The following CEP57 variants were observed in gnomAD, a reference collection of about 807,000 sequenced individuals.
CEP57 encodes centrosomal protein of 57 kDa.
In CEP57, 40 loss-of-function variants were observed where a neutral mutation model predicts 68.0. The observed-to-expected ratio is 0.59, with a 90% CI of 0.46 to 0.77. The LOEUF (loss-of-function observed/expected upper bound fraction) is 0.77, where lower values mean the gene tolerates loss of function less well. Ranked by LOEUF, CEP57 falls within the 30% of genes least tolerant of loss-of-function variation. The probability of loss-of-function intolerance (pLI) is 0.00; values close to 1 mark genes in which losing one functional copy is unlikely to be tolerated. For missense variants in CEP57, 606 were observed against 580.7 expected (o/e 1.04, Z -0.45); for synonymous variants, 219 against 198.7 (o/e 1.10, Z -0.86).
rs1399711421 is a variant in CEP57, at chr11:95,827,915, C to T, written c.1015C>T (p.Arg339Ter). 1 of 1,613,984 alleles carries T rather than the reference C, an allele frequency of 6.2e-7. No individual in the cohort carries two copies. The highest frequency in any genetic ancestry group is 1.3e-5 in the African/African-American group (1 of 74,902). Residue 339 changes from arginine (R) to a stop codon, truncating the protein, a stop_gained, in exon 9 of 11, where the codon CGA becomes TGA. Transcript: ENST00000325542. LOFTEE classifies it high-confidence loss of function. Reference protein sequence around the residue: ...SIPLAKQVSSRGGKSKKLSVT... With the variant: ...SIPLAKQVSS The stretch of plus-strand genomic sequence containing the variant: ...TCCTTTGGCAAAGCAAGTATCTTCA[C>T]GAGGTGGTAAAAGTAAGAAGTTGTC...
chr11:95,797,399 C>T (rs1289808735), intron 1 of CEP57, among the ~76,000 whole-genome samples: 11 of 152,076 alleles, frequency 7.2e-5, no homozygotes, highest in African/African-American at 2.7e-4. Context: ...AACTCCTGAC[C>T]TCAAGTGATC....
At chr11:95,790,978 C>G (rs1393593747) in intron 1 of CEP57, among the ~76,000 whole-genome samples, 1 of 152,214 alleles carries the variant, frequency 6.6e-6, no homozygotes, top group Non-Finnish European at 1.5e-5. Flanking sequence ...CCTTATTCAC[C>G]TTTTGGCGTA....
intron 2 of CEP57, among the ~76,000 whole-genome samples, chr11:95,810,722 T>C (rs903615235): frequency 1.3e-5 from 2 of 152,098 alleles, no homozygotes; most frequent in African/African-American, 2.4e-5. Flanking sequence ...GGAAGAACAT[T>C]CCATACTCAT....
At chr11:95,818,019 TA>T (rs1862372482) in intron 5 of CEP57, 116 bp downstream of exon 5, 1 of 712,024 alleles carries the variant, frequency 1.4e-6, no homozygotes, top group Admixed American at 2.2e-5. Flanking sequence ...AATGAAGAAA[TA>T]TATTGGAGTT....
intron 4 of CEP57, among the ~76,000 whole-genome samples, chr11:95,815,429 A>AT (rs1158444099): frequency 1.3e-5 from 2 of 151,134 alleles, no homozygotes; most frequent in Non-Finnish European, 3.0e-5. Flanking sequence ...ACAATTCTCA[A>AT]TTTTTTTTAA....
chr11:95,791,657 A>G (rs1375542431), intron 1 of CEP57, among the ~76,000 whole-genome samples: 1 of 152,252 alleles, frequency 6.6e-6, no homozygotes. Flanking sequence ...CCGTAGTAGA[A>G]TAATCTAGAG....
At chr11:95,821,348 G>A (rs370587235) in intron 6 of CEP57, among the ~76,000 whole-genome samples, 6 of 152,272 alleles carry the variant, frequency 3.9e-5, no homozygotes, top group African/African-American at 1.4e-4. Context: ...TCAGCTTCTA[G>A]AGAAAAGGGC....
intron 1 of CEP57, among the ~76,000 whole-genome samples, chr11:95,797,419 C>T (rs1426646711): frequency 5.3e-5 from 8 of 152,014 alleles, no homozygotes; most frequent in African/African-American, 9.7e-5. Flanking sequence ...CCGCCCAGCT[C>T]GGCCTCCCAA....
At chr11:95,814,641 T>TGAGC (rs914088867) in intron 4 of CEP57, among the ~76,000 whole-genome samples, 53 of 152,356 alleles carry the variant, frequency 3.5e-4, no homozygotes, top group African/African-American at 1.3e-3. Flanking sequence ...ATTACAGGCA[T>TGAGC]GAGCCACCAC....
Position 95,831,414 on chromosome 11 carries a change from A to G in CEP57, c.*158A>G. The G allele has an allele frequency of 1.6e-6, 1 of 606,088 alleles. No homozygotes were observed. The highest frequency in any genetic ancestry group is 3.0e-6 in the Non-Finnish European group (1 of 338,412). The allele number at this position is 606,088 out of a possible 1,614,324, so 37.5% of individuals were successfully genotyped here. A position where few individuals can be genotyped will look rare whatever the true frequency, so the allele number is the denominator to read the frequency against. On this transcript the variant is annotated 3_prime_UTR_variant, in exon 11 of 11. Coordinates refer to ENST00000325542, the MANE Select transcript of CEP57 (RefSeq NM_014679.5). ...CATTACACAGGCTTTTCATGTATGC[A>G]GGATGACTCAATGTTAAAGCATTTA...
intron 3 of CEP57, 33 bp from the exon 4 acceptor site, chr11:95,813,435 T>A (rs369948382): frequency 1.2e-4 from 194 of 1,605,440 alleles, no homozygotes; most frequent in Non-Finnish European, 1.6e-4. Context: ...TATGGGTGAG[T>A]TGATTTCTGC....
intron 10 of CEP57, among the ~76,000 whole-genome samples, chr11:95,829,837 T>C (rs1353564849): frequency 6.6e-6 from 1 of 152,066 alleles, no homozygotes; most frequent in African/African-American, 2.4e-5. Flanking sequence ...GGTAGGGTAA[T>C]GGGATCAAGG....
rs1286539936 is a variant in CEP57, at chr11:95,799,379, A to C, written c.193A>C (p.Asn65His). 7 of 1,613,904 alleles carry C rather than the reference A, an allele frequency of 4.3e-6. No individual in the cohort carries two copies. In the Admixed American group the frequency reaches 1.2e-4, roughly 27 times the overall value. ...SKPTLAYPES[N>H]SRAIFSALKN... ...GCCTACACTTGCCTATCCAGAAAGC[A>C]ACAGCAGAGGTAATCGAGCCTAACG... is the stretch of plus-strand genomic sequence containing the variant. Residue 65 changes from asparagine to histidine, a missense_variant, in exon 2 of 11, where the codon AAC becomes CAC. By Grantham distance (68) the Asn-to-His change is moderately conservative. Coordinates refer to ENST00000325542, the MANE Select transcript of CEP57 (RefSeq NM_014679.5).
At position 95,831,270 on chromosome 11, in the gene CEP57, CAG is replaced by C; in HGVS notation, c.*16_*17del. On this transcript the variant is annotated 3_prime_UTR_variant, in exon 11 of 11. Transcript: ENST00000325542. ...TGGGATTACTGACTCATAACCAGGT[CAG>C]AAATTTTATTCAGATAATCTGTACC... 1 of 1,565,872 alleles carries C rather than the reference CAG, an allele frequency of 6.4e-7. No homozygotes were observed. The highest frequency in any genetic ancestry group is 8.8e-7 in the Non-Finnish European group (1 of 1,137,402).
At chr11:95,818,801 A>T (rs1040563223) in intron 5 of CEP57, 26 bp from the exon 6 acceptor site, 4 of 1,578,878 alleles carry the variant, frequency 2.5e-6, no homozygotes, top group Admixed American at 3.3e-5. Flanking sequence ...TTTCACCTTT[A>T]TCCCTTTTGA....
intron 1 of CEP57, among the ~76,000 whole-genome samples, chr11:95,791,227 C>G (rs1861055740): frequency 6.6e-6 from 1 of 152,214 alleles, no homozygotes; most frequent in Admixed American, 6.5e-5. Flanking sequence ...GTGCCTCCCA[C>G]TCCCATCCAC....
At chr11:95,793,869 T>C (rs1412343139) in intron 1 of CEP57, among the ~76,000 whole-genome samples, 1 of 152,212 alleles carries the variant, frequency 6.6e-6, no homozygotes, top group Non-Finnish European at 1.5e-5. Context: ...TTCATTGTTA[T>C]ATGCTGTACA....
intron 4 of CEP57, among the ~76,000 whole-genome samples, chr11:95,815,677 G>C (rs1271052382): frequency 6.6e-6 from 1 of 152,130 alleles, no homozygotes; most frequent in East Asian, 1.9e-4. Context: ...TGGCTGGGCA[G>C]GGTGGCTTAC....
rs746035369 is a variant in CEP57 at position 95,829,227 on chromosome 11, A to G, written c.1168A>G (p.Thr390Ala). Residue 390 changes from threonine (T) to alanine (A), a missense_variant, in exon 10 of 11, where the codon ACC becomes GCC. Thr to Ala is a moderately conservative substitution (Grantham distance 58). Transcript: ENST00000325542. ...QLAKLIQESP[T>A]VELKDKLECE... ...TGCAAAACTTATCCAGGAGTCGCCA[A>G]CCGTTGAACTGAAAGACAAGTTGGA... 1.9e-6 allele frequency: 3 copies of G among 1,614,128 alleles called. No homozygotes were observed. Among genetic ancestry groups the G allele is most frequent in the African/African-American group, 1.3e-5 (1 of 75,036 alleles).
Sources: allele counts gnomAD v4.1 joint callset (sites outside exome capture counted in the v4.1 genomes callset), GRCh38; gene constraint gnomAD v4.1.1; transcripts MANE v1.5; gene names NCBI Gene and HGNC (gene_info 2026-07-23, HGNC 2026-07-21).